Variants in PCDH15 observed in about 807,000 individuals in gnomAD.
PCDH15 encodes the protein protocadherin related 15, also known as protocadherin-15.
Under a neutral mutation model 178.5 loss-of-function variants are expected in PCDH15, and 129 were observed. That is an observed-to-expected ratio of 0.72 (90% CI 0.63 to 0.84). The LOEUF (loss-of-function observed/expected upper bound fraction) is 0.84, where lower values mean the gene tolerates loss of function less well. Ranked by LOEUF, PCDH15 falls within the 40% of genes least tolerant of loss-of-function variation. The pLI is 0.00. For missense variants in PCDH15, 2,230 were observed against 2,099.9 expected (o/e 1.06, Z -1.21); for synonymous variants, 800 against 732.0 (o/e 1.09, Z -1.50).
chr10:54,451,530 C>G (rs1420628872), intron 3 of PCDH15, among the ~76,000 whole-genome samples: 2 of 151,816 alleles, frequency 1.3e-5, no homozygotes, highest in Non-Finnish European at 2.9e-5. Context: ...TCTCTAATAG[C>G]TTGGGACCTA....
At chr10:54,842,566 AG>A (rs1953438218) in intron 3 of PCDH15, among the ~76,000 whole-genome samples, 1 of 151,934 alleles carries the variant, frequency 6.6e-6, no homozygotes, top group Non-Finnish European at 1.5e-5. Context: ...TAGATGTGTG[AG>A]GTAAGCATAG....
intron 2 of PCDH15, among the ~76,000 whole-genome samples, chr10:54,570,405 C>G (rs1042076184): frequency 6.6e-6 from 1 of 151,986 alleles, no homozygotes; most frequent in Non-Finnish European, 1.5e-5. Context: ...TACTCTTTTG[C>G]TTACTCATTT....
chr10:54,535,946 C>A (rs2084473596), intron 2 of PCDH15, among the ~76,000 whole-genome samples: 1 of 152,054 alleles, frequency 6.6e-6, no homozygotes, highest in Non-Finnish European at 1.5e-5. Context: ...ATAATTCATA[C>A]CACATGAGTT....
chr10:54,252,776 A>ATT, intron 8 of PCDH15, among the ~76,000 whole-genome samples: 1 of 148,816 alleles, frequency 6.7e-6, no homozygotes, highest in African/African-American at 2.4e-5. Flanking sequence ...TTTTCTCAGG[A>ATT]TTTTTTTTTT....
At chr10:55,191,393 C>A (rs1839941464) in intron 1 of PCDH15, among the ~76,000 whole-genome samples, 1 of 151,654 alleles carries the variant, frequency 6.6e-6, no homozygotes, top group African/African-American at 2.4e-5. Flanking sequence ...ATGTAAGATC[C>A]TAAGTATCTC....
intron 2 of PCDH15, among the ~76,000 whole-genome samples, chr10:55,501,296 G>C (rs1840650622): frequency 6.6e-6 from 1 of 151,702 alleles, no homozygotes; most frequent in Non-Finnish European, 1.5e-5. Flanking sequence ...TGGACTTTTA[G>C]CCTCCAGAAC....
At chr10:55,145,283 G>A (rs1838473851) in intron 2 of PCDH15, among the ~76,000 whole-genome samples, 1 of 151,986 alleles carries the variant, frequency 6.6e-6, no homozygotes, top group South Asian at 2.1e-4. Flanking sequence ...CTGGCAGAAA[G>A]GGAGAAAAGG....
chr10:54,285,298 C>T (rs2058964699), intron 8 of PCDH15, among the ~76,000 whole-genome samples: 1 of 149,204 alleles, frequency 6.7e-6, no homozygotes, highest in Non-Finnish European at 1.5e-5. Context: ...AACCTAAGAA[C>T]AGGAAAAAAT....
intron 1 of PCDH15, among the ~76,000 whole-genome samples, chr10:54,665,802 G>C (rs186704573): frequency 6.6e-6 from 1 of 151,874 alleles, no homozygotes; most frequent in Non-Finnish European, 1.5e-5. Context: ...TGCTTGGCGC[G>C]TGCATTTATA....
At chr10:54,983,445 G>A (rs1839289773) in intron 2 of PCDH15, among the ~76,000 whole-genome samples, 1 of 152,112 alleles carries the variant, frequency 6.6e-6, no homozygotes, top group South Asian at 2.1e-4. Context: ...TGCATGGTGA[G>A]TGACTCACAA....
chr10:55,561,367 A>G (rs1405901834), intron 2 of PCDH15, among the ~76,000 whole-genome samples: 3 of 151,864 alleles, frequency 2.0e-5, no homozygotes, highest in Admixed American at 1.3e-4. Context: ...AGCAAACAAA[A>G]CTTTGTCATC....
chr10:54,720,518 C>CAAAAAAA (rs34014038), intron 1 of PCDH15, among the ~76,000 whole-genome samples: 17 of 149,524 alleles, frequency 1.1e-4, no homozygotes, highest in African/African-American at 3.7e-4. Context: ...TAGTCTCTTC[C>CAAAAAAA]AAAAAAAAAT....
At position 53,934,934 on chromosome 10, in the gene PCDH15, TA is replaced by T. The variant is rs145630861; in HGVS notation, c.3373+3880del. ...AACACCAGAATAGATGCCACATTAA[TA>T]AAAAAAAAAAAGTCTAGAATTAAAA... On this transcript the variant is annotated intron_variant, in intron 25 of 37. Transcript: ENST00000644397. Among the ~76,000 whole-genome samples the T allele has an allele frequency of 2.6e-3, 316 of 119,708 alleles. 1 individual carries two copies. Among genetic ancestry groups the T allele is most frequent in the African/African-American group, 5.1e-3 (165 of 32,050 alleles). 78.5% of individuals were successfully genotyped at this position (119,708 alleles called of 152,430 possible).
At chr10:54,195,625 A>G (rs2049524395) in intron 11 of PCDH15, 58 bp downstream of exon 11, 6 of 1,413,702 alleles carry the variant, frequency 4.2e-6, no homozygotes, top group South Asian at 1.2e-5. Context: ...CATATTTCCC[A>G]TTAATGGAAA....
At chr10:53,815,299 T>C (rs977513448) in intron 35 of PCDH15, among the ~76,000 whole-genome samples, 1 of 152,238 alleles carries the variant, frequency 6.6e-6, no homozygotes, top group African/African-American at 2.4e-5. Context: ...TTACTGAATT[T>C]CTTCCTGTTA....
intron 9 of PCDH15, among the ~76,000 whole-genome samples, chr10:54,215,425 A>C (rs774905946): frequency 3.0e-4 from 45 of 152,230 alleles, no homozygotes; most frequent in Non-Finnish European, 8.8e-5. Flanking sequence ...ATGAAATGCA[A>C]TATATGATAA....
intron 1 of PCDH15, among the ~76,000 whole-genome samples, chr10:55,257,913 C>T (rs985772614): frequency 2.8e-4 from 43 of 152,260 alleles, no homozygotes; most frequent in African/African-American, 1.0e-3. Flanking sequence ...CTCCAAGACA[C>T]ATAATTGTCA....
At chr10:55,240,943 A>G (rs566284184) in intron 1 of PCDH15, among the ~76,000 whole-genome samples, 6 of 152,256 alleles carry the variant, frequency 3.9e-5, no homozygotes, top group East Asian at 1.9e-4. Context: ...AAGACCGGGC[A>G]CGGTGGCTCA....
intron 2 of PCDH15, among the ~76,000 whole-genome samples, chr10:55,359,771 C>CAT (rs1408910096): frequency 0.014 from 1,850 of 136,462 alleles, 39 homozygotes; most frequent in African/African-American, 0.042. Flanking sequence ...CACACACACA[C>CAT]ATATATATAT....
Sources: gnomAD v4.1 joint callset for allele counts (sites outside exome capture counted in the v4.1 genomes callset) on GRCh38, gnomAD v4.1.1 for gene constraint, MANE v1.5 for transcripts, NCBI Gene and HGNC (gene_info 2026-07-23, HGNC 2026-07-21) for gene names.